Variants in LGALS8 observed in about 807,000 individuals in gnomAD.
LGALS8 encodes the protein galectin 8, also known as galectin-8.
Under a neutral mutation model 35.9 loss-of-function variants are expected in LGALS8, and 30 were observed. The ratio of observed to expected loss-of-function variants is 0.83; its 90% CI spans 0.62 to 1.13. The LOEUF is 1.13. Among genes scored for constraint, LGALS8 ranks in the 50% most tolerant of loss-of-function variants. The pLI, the probability that LGALS8 is intolerant of heterozygous loss-of-function variation, is 0.00. For missense variants in LGALS8, 366 were observed against 388.7 expected (o/e 0.94, Z 0.49); for synonymous variants, 138 against 136.1 (o/e 1.01, Z -0.10).
chr1:236,539,041 A>C lies in LGALS8; in HGVS notation c.297A>C (p.Arg99Ser), dbSNP rs776941340. 3.0e-5 allele frequency: 48 copies of C among 1,614,178 alleles called. No homozygotes were observed. The East Asian group carries it at 1.0e-3, about 34-fold the overall frequency. The change falls in exon 4 of 10, where the codon AGA (arginine) becomes AGC (serine). Residue 99 changes from arginine (R) to serine (S), a missense_variant. Arg to Ser is a moderately radical substitution (Grantham distance 110, BLOSUM62 -1). Transcript: ENST00000366584. ...EEITYDTPFK[R>S]EKSFEIVIMV... is the part of the protein sequence containing the mutation. ...TCACCTATGACACGCCTTTCAAAAG[A>C]GAAAAGTCTTTTGAGATCGTGATTA...
chr1:236,539,042 G>C lies in LGALS8; in HGVS notation c.298G>C (p.Glu100Gln), dbSNP rs1335377025. The C allele has an allele frequency of 1.2e-6, 2 of 1,614,044 alleles. No homozygotes were observed. The highest frequency in any genetic ancestry group is 1.7e-6 in the Non-Finnish European group (2 of 1,180,040). ...CACCTATGACACGCCTTTCAAAAGA[G>C]AAAAGTCTTTTGAGATCGTGATTAT... ...EITYDTPFKR[E>Q]KSFEIVIMVL... The change falls in exon 4 of 10, where the codon GAA (glutamate) becomes CAA (glutamine). Residue 100 changes from glutamate to glutamine, a missense_variant. Physicochemically the swap from Glu to Gln is conservative, Grantham distance 29. Transcript: ENST00000366584.
At chr1:236,520,475 A>T (rs1660520773), upstream of LGALS8, among the ~76,000 whole-genome samples, 1 of 151,668 alleles carries the variant, frequency 6.6e-6, no homozygotes. Flanking sequence ...TCCTCACAGC[A>T]AACCTTTCTG....
intron 4 of LGALS8, 168 bp from the exon 5 acceptor site, chr1:236,540,396 T>G: frequency 3.4e-6 from 2 of 596,172 alleles, no homozygotes; most frequent in Non-Finnish European, 5.3e-6. Context: ...TTGGAAGCAC[T>G]GCTAGTGTTT....
chr1:236,542,659 C>A (rs1662077558), intron 6 of LGALS8, 102 bp from the exon 7 acceptor site: 2 of 1,256,152 alleles, frequency 1.6e-6, no homozygotes, highest in Admixed American at 3.4e-5. Flanking sequence ...CAGGAACATC[C>A]CAGGCTCCGG....
intron 4 of LGALS8, chr1:236,540,342 A>T: frequency 4.4e-6 from 2 of 453,292 alleles, no homozygotes; most frequent in Non-Finnish European, 3.9e-6. Context: ...GTCTGGGGAG[A>T]GACAGTTCCT....
At chr1:236,521,830 C>CAA (rs35210291), upstream of LGALS8, among the ~76,000 whole-genome samples, 1,976 of 141,978 alleles carry the variant, frequency 0.014, 38 homozygotes, top group African/African-American at 0.042. Flanking sequence ...GAGACTGCCT[C>CAA]AAAAAAAAAA....
At chr1:236,522,488 C>T (rs2103060146), upstream of LGALS8, among the ~76,000 whole-genome samples, 1 of 152,242 alleles carries the variant, frequency 6.6e-6, no homozygotes, top group South Asian at 2.1e-4. Context: ...CGTCTATAGT[C>T]CCAGCTACTC....
At chr1:236,530,984 G>A (rs1389312040) in intron 2 of LGALS8, among the ~76,000 whole-genome samples, 1 of 152,072 alleles carries the variant, frequency 6.6e-6, no homozygotes, top group Non-Finnish European at 1.5e-5. Flanking sequence ...TGTGTGTTGT[G>A]TATATCACCT....
chr1:236,537,913 C>T (rs1397605402), intron 3 of LGALS8, among the ~76,000 whole-genome samples: 1 of 117,720 alleles, frequency 8.5e-6, no homozygotes, highest in African/African-American at 3.1e-5. Context: ...GCCTGGGCAA[C>T]ATAGTGAGAC....
At chr1:236,541,788 G>T in intron 6 of LGALS8, 78 bp downstream of exon 6, 2 of 735,482 alleles carry the variant, frequency 2.7e-6, no homozygotes, top group South Asian at 4.3e-5. Context: ...TGGCAAGAAG[G>T]CTGGGTTTTT....
intron 7 of LGALS8, 65 bp downstream of exon 7, chr1:236,542,852 G>A (rs566402715): frequency 6.2e-6 from 10 of 1,614,048 alleles, no homozygotes; most frequent in African/African-American, 1.3e-5. Context: ...AAAATGAACA[G>A]TTTAAACCGT....
intron 2 of LGALS8, among the ~76,000 whole-genome samples, chr1:236,528,032 G>T (rs1361780661): frequency 6.6e-6 from 1 of 151,966 alleles, no homozygotes; most frequent in Non-Finnish European, 1.5e-5. Flanking sequence ...CACCATGCCT[G>T]GCCAACTTAG....
intron 1 of LGALS8, among the ~76,000 whole-genome samples, chr1:236,524,893 TTAA>T (rs915051543): frequency 2.0e-5 from 3 of 152,168 alleles, no homozygotes; most frequent in Non-Finnish European, 4.4e-5. Flanking sequence ...GTTTTTTTTC[TTAA>T]TAAAGAAAAA....
intron 6 of LGALS8, 94 bp from the exon 7 acceptor site, chr1:236,542,667 C>T (rs891657239): frequency 8.1e-6 from 11 of 1,355,662 alleles, no homozygotes; most frequent in African/African-American, 4.3e-5. Flanking sequence ...TCCCAGGCTC[C>T]GGCCAGGCTC....
chr1:236,539,321 C>G, intron 4 of LGALS8: 1 of 508,834 alleles, frequency 2.0e-6, no homozygotes, highest in East Asian at 3.4e-5. Context: ...GTGACCAGAT[C>G]TTTTTATTAG....
Position 236,535,034 on chromosome 1 carries a change from C to T in LGALS8, c.46-2463C>T, listed in dbSNP as rs547161714. ...TGAGATCACGCCACTGCACTCTAGC[C>T]TGGGGGACAGAGTGAGACTCTGTCT... On this transcript the variant is annotated intron_variant, in intron 2 of 9. Coordinates refer to ENST00000366584, the MANE Select transcript of LGALS8 (RefSeq NM_201544.4). 3.5e-3 allele frequency among the ~76,000 whole-genome samples: 477 copies of T among 136,622 alleles called. 2 individuals are homozygous for T. The highest frequency in any genetic ancestry group is 5.4e-3 in the Non-Finnish European group (356 of 66,024). 89.6% of individuals were successfully genotyped at this position (136,622 alleles called of 152,430 possible).
At chr1:236,531,202 G>A (rs148780686) in intron 2 of LGALS8, among the ~76,000 whole-genome samples, 64 of 152,236 alleles carry the variant, frequency 4.2e-4, no homozygotes, top group Admixed American at 3.5e-3. Flanking sequence ...GTGCTATAGT[G>A]TACATCCTTG....
At chr1:236,542,923 T>C (rs139587693) in intron 7 of LGALS8, 136 bp downstream of exon 7, 8 of 1,614,144 alleles carry the variant, frequency 5.0e-6, no homozygotes, top group East Asian at 2.2e-5. Flanking sequence ...AGCCTAGTAA[T>C]AGAGGAGGAG....
At chr1:236,518,613 T>C (rs906757484), upstream of LGALS8, 12 of 152,204 alleles carry the variant, frequency 7.9e-5, no homozygotes, top group African/African-American at 2.7e-4. Context: ...TTCTCGGCGC[T>C]CACAAATGTA....
Sources: allele counts gnomAD v4.1 joint callset (sites outside exome capture counted in the v4.1 genomes callset), GRCh38; gene constraint gnomAD v4.1.1; transcripts MANE v1.5; gene names NCBI Gene and HGNC (gene_info 2026-07-23, HGNC 2026-07-21).